Variants in KL observed in about 807,000 individuals in gnomAD.
The protein encoded by KL is alpha-klotho.
In KL, 62 loss-of-function variants were observed where a neutral mutation model predicts 84.2. That is an observed-to-expected ratio of 0.74 (90% CI 0.60 to 0.91). The LOEUF is 0.91. KL is among the 40% of genes least tolerant of loss of function. The probability of loss-of-function intolerance (pLI) is 0.00; values close to 1 mark genes in which losing one functional copy is unlikely to be tolerated. For synonymous variants in KL, 528 were observed against 528.0 expected (o/e 1.00, Z 0.00); for missense variants, 1,261 against 1,305.7 (o/e 0.97, Z 0.53).
chr13:33,041,907 A>G (rs1871351724), intron 1 of KL, among the ~76,000 whole-genome samples: 1 of 152,114 alleles, frequency 6.6e-6, no homozygotes, highest in African/African-American at 2.4e-5. Context: ...AATCCCTGTT[A>G]CCTTCTATCC....
intron 1 of KL, among the ~76,000 whole-genome samples, chr13:33,021,570 A>G (rs1181551175): frequency 1.3e-5 from 2 of 152,182 alleles, no homozygotes; most frequent in Non-Finnish European, 2.9e-5. Context: ...GAAATACTTT[A>G]CAAGTTTTTC....
At chr13:33,042,947 G>A (rs1444748858) in intron 1 of KL, among the ~76,000 whole-genome samples, 1 of 152,128 alleles carries the variant, frequency 6.6e-6, no homozygotes. Flanking sequence ...CTCCCAAAGT[G>A]CTGGGATTAC....
Position 33,017,229 on chromosome 13 carries a change from C to T in KL, c.789C>T (p.Leu263=), listed in dbSNP as rs776422494. The T allele has an allele frequency of 6.3e-7, 1 of 1,587,974 alleles. No individual in the cohort carries two copies. Among genetic ancestry groups the T allele is most frequent in the East Asian group, 2.2e-5 (1 of 44,508 alleles). Reference sequence around the variant, plus strand: ...CCGGCATCCGGGGCAGCCCGCGGCTCGGGTACCTGGTGGCGCACAACCTCC... The same window carrying T: ...CCGGCATCCGGGGCAGCCCGCGGCTTGGGTACCTGGTGGCGCACAACCTCC... The part of the protein sequence containing the change: ...LAPGIRGSPR[L]GYLVAHNLLL... Residue 263 remains leucine (L), a synonymous_variant, in exon 1 of 5, where the codon CTC becomes CTT. Coordinates refer to ENST00000380099, the MANE Select transcript of KL (RefSeq NM_004795.4).
chr13:33,017,922 T>A (rs368271842), intron 1 of KL, among the ~76,000 whole-genome samples: 1 of 152,262 alleles, frequency 6.6e-6, no homozygotes, highest in Non-Finnish European at 1.5e-5. Flanking sequence ...TAGATTGTTC[T>A]ACCACATCTA....
At chr13:33,046,745 C>CTTTTTTT (rs750467289) in intron 1 of KL, among the ~76,000 whole-genome samples, 2 of 129,064 alleles carry the variant, frequency 1.5e-5, no homozygotes, top group African/African-American at 2.9e-5. Context: ...TGAGATATAT[C>CTTTTTTT]TTGTTTTTTT....
chr13:33,062,632 C>T (rs1872251201), intron 4 of KL, among the ~76,000 whole-genome samples: 1 of 116,946 alleles, frequency 8.6e-6, no homozygotes, highest in African/African-American at 3.3e-5. Flanking sequence ...AAGATTGCAC[C>T]ATTGCACTCC....
Position 33,060,534 on chromosome 13 carries a change from CA to C in KL, c.1600-143del, listed in dbSNP as rs1029609996. On this transcript the variant is annotated intron_variant, in intron 3 of 4. Transcript: ENST00000380099. ...GAATATTGTCTTCCTCAGGAGCTGA[CA>C]ATTTATGAAAAATAGTTCACATTCT... 24 of 893,682 alleles carry C rather than the reference CA, an allele frequency of 2.7e-5. No individual in the cohort carries two copies. In the Admixed American group the frequency reaches 4.8e-4, roughly 18 times the overall value. The allele number at this position is 893,682 out of a possible 1,614,324, so 55.4% of individuals were successfully genotyped here. A position where few individuals can be genotyped will look rare whatever the true frequency, so the allele number is the denominator to read the frequency against.
intron 1 of KL, among the ~76,000 whole-genome samples, chr13:33,038,864 A>G (rs1871234470): frequency 6.6e-6 from 1 of 152,220 alleles, no homozygotes; most frequent in Non-Finnish European, 1.5e-5. Flanking sequence ...ATAGTAAATA[A>G]TTTGAACTAG....
chr13:33,017,283 G>A (rs1417714745), intron 1 of KL, 24 bp downstream of exon 1: 1 of 1,534,588 alleles, frequency 6.5e-7, no homozygotes, highest in African/African-American at 1.4e-5. Flanking sequence ...GCCAGGCGGA[G>A]GGCCACGCAG....
At chr13:33,022,118 T>G (rs1250097989) in intron 1 of KL, among the ~76,000 whole-genome samples, 1 of 152,216 alleles carries the variant, frequency 6.6e-6, no homozygotes, top group East Asian at 1.9e-4. Flanking sequence ...ATCATAGCAG[T>G]GTTTTAACAA....
intron 1 of KL, among the ~76,000 whole-genome samples, chr13:33,022,051 A>G (rs211239): frequency 0.46 from 69,510 of 152,102 alleles, 17,439 homozygotes; most frequent in Middle Eastern, 0.55. Context: ...TGAAGGTTAC[A>G]GTCAAGTCCA....
chr13:33,016,626 C>G lies in KL; in HGVS notation c.186C>G (p.Pro62=). ...EAAGLFQGTF[P]DGFLWAVGSA... is the part of the protein sequence containing the mutation. ...CGGGCCTCTTCCAGGGCACCTTCCC[C>G]GACGGCTTCCTCTGGGCCGTGGGCA... Residue 62 remains proline, a synonymous_variant, in exon 1 of 5, where the codon CCC becomes CCG. Transcript: ENST00000380099. 1 of 1,551,520 alleles carries G rather than the reference C, an allele frequency of 6.4e-7. No homozygotes were observed. Among genetic ancestry groups the G allele is most frequent in the Non-Finnish European group, 8.7e-7 (1 of 1,147,982 alleles).
chr13:33,020,109 C>T (rs1227853094), intron 1 of KL, among the ~76,000 whole-genome samples: 1 of 152,166 alleles, frequency 6.6e-6, no homozygotes, highest in African/African-American at 2.4e-5. Context: ...TTCTTGCAAA[C>T]ATTTGTGCAA....
intron 1 of KL, among the ~76,000 whole-genome samples, chr13:33,017,498 C>A (rs1246089763): frequency 6.6e-6 from 1 of 152,122 alleles, no homozygotes. Context: ...GGAAAGGAAG[C>A]GGTGATAGGT....
At chr13:33,022,107 A>T (rs1870597386) in intron 1 of KL, among the ~76,000 whole-genome samples, 1 of 152,246 alleles carries the variant, frequency 6.6e-6, no homozygotes, top group Non-Finnish European at 1.5e-5. Context: ...ATCATTTCAA[A>T]ATCATAGCAG....
intron 1 of KL, among the ~76,000 whole-genome samples, chr13:33,020,508 C>T (rs1370177506): frequency 3.9e-5 from 6 of 151,974 alleles, no homozygotes; most frequent in Non-Finnish European, 5.9e-5. Flanking sequence ...AGACAACCGC[C>T]TTCTCCACGT....
chr13:33,044,233 T>C (rs1871440374), intron 1 of KL, among the ~76,000 whole-genome samples: 1 of 152,248 alleles, frequency 6.6e-6, no homozygotes, highest in Non-Finnish European at 1.5e-5. Context: ...ATTATAGCTT[T>C]ATAATAAGTC....
At chr13:33,039,385 A>T (rs538337935) in intron 1 of KL, among the ~76,000 whole-genome samples, 1 of 152,236 alleles carries the variant, frequency 6.6e-6, no homozygotes, top group South Asian at 2.1e-4. Context: ...GGATAAATGA[A>T]TGAATAATTC....
intron 1 of KL, among the ~76,000 whole-genome samples, chr13:33,029,405 A>G (rs1034199624): frequency 1.3e-5 from 2 of 152,228 alleles, no homozygotes; most frequent in African/African-American, 4.8e-5. Context: ...AGCAACGAGT[A>G]AGTTTTTGTT....
Sources: gnomAD v4.1 joint callset for allele counts (sites outside exome capture counted in the v4.1 genomes callset) on GRCh38, gnomAD v4.1.1 for gene constraint, MANE v1.5 for transcripts, NCBI Gene and HGNC (gene_info 2026-07-23, HGNC 2026-07-21) for gene names.